Variants in MACROD2 observed in about 807,000 individuals in gnomAD.
MACROD2 encodes ADP-ribose glycohydrolase MACROD2.
A neutral mutation model predicts 70.4 loss-of-function variants in MACROD2; 36 were observed. The observed-to-expected ratio is 0.51, with a 90% CI of 0.39 to 0.68. MACROD2 has a LOEUF of 0.68. Ranked by LOEUF, MACROD2 falls within the 30% of genes least tolerant of loss-of-function variation. The pLI, the probability that MACROD2 is intolerant of heterozygous loss-of-function variation, is 0.00. For missense variants in MACROD2, 496 were observed against 538.4 expected (o/e 0.92, Z 0.78); for synonymous variants, 172 against 178.8 (o/e 0.96, Z 0.30).
At chr20:15,506,888 A>G (rs1267279338) in intron 8 of MACROD2, among the ~76,000 whole-genome samples, 2 of 152,214 alleles carry the variant, frequency 1.3e-5, no homozygotes, top group Non-Finnish European at 2.9e-5. Context: ...TATGTCCACA[A>G]ACATCATCTG....
chr20:15,978,892 G>A (rs1008156160), intron 13 of MACROD2, among the ~76,000 whole-genome samples: 3 of 152,144 alleles, frequency 2.0e-5, no homozygotes, highest in African/African-American at 7.2e-5. Context: ...AACGTCAGGA[G>A]TGATGGAAGA....
At chr20:14,731,954 A>G (rs373395869) in intron 5 of MACROD2, among the ~76,000 whole-genome samples, 1 of 152,258 alleles carries the variant, frequency 6.6e-6, no homozygotes, top group South Asian at 2.1e-4. Flanking sequence ...ATTTATATTC[A>G]TCTGTATTGT....
chr20:13,997,398 A>C (rs2052678000), intron 1 of MACROD2, among the ~76,000 whole-genome samples: 1 of 152,170 alleles, frequency 6.6e-6, no homozygotes, highest in African/African-American at 2.4e-5. Flanking sequence ...TGATGCTGAA[A>C]TGTTCGCTTT....
chr20:15,237,922 A>G (rs886606654), intron 6 of MACROD2, among the ~76,000 whole-genome samples: 10 of 152,184 alleles, frequency 6.6e-5, no homozygotes, highest in Admixed American at 6.5e-5. Flanking sequence ...AGTGACAGCA[A>G]GGGTATTTGC....
chr20:16,021,925 A>T (rs1156675288), intron 15 of MACROD2, among the ~76,000 whole-genome samples: 3 of 150,936 alleles, frequency 2.0e-5, no homozygotes, highest in Non-Finnish European at 4.5e-5. Context: ...GAATTAATAA[A>T]TGAATGAATG....
intron 6 of MACROD2, among the ~76,000 whole-genome samples, chr20:15,263,827 T>C (rs1217406798): frequency 6.6e-6 from 1 of 152,164 alleles, no homozygotes; most frequent in Non-Finnish European, 1.5e-5. Context: ...GATTTCTTTT[T>C]TGGATTGTTC....
chr20:14,302,240 T>C (rs2082481033), intron 3 of MACROD2, among the ~76,000 whole-genome samples: 1 of 152,190 alleles, frequency 6.6e-6, no homozygotes, highest in Admixed American at 6.5e-5. Flanking sequence ...AGAATTGAGT[T>C]CCTTGTGGTT....
intron 17 of MACROD2, among the ~76,000 whole-genome samples, chr20:16,045,908 G>A (rs1323814592): frequency 1.3e-5 from 2 of 152,064 alleles, no homozygotes; most frequent in African/African-American, 4.8e-5. Flanking sequence ...TCCATACCCT[G>A]AGGGCTGATG....
intron 6 of MACROD2, among the ~76,000 whole-genome samples, chr20:15,257,477 A>G (rs1054904420): frequency 1.3e-5 from 2 of 152,102 alleles, no homozygotes; most frequent in African/African-American, 4.8e-5. Context: ...ATGTCACAGT[A>G]TAATTGACAA....
intron 1 of MACROD2, among the ~76,000 whole-genome samples, chr20:14,000,069 T>C (rs540398525): frequency 1.3e-5 from 2 of 152,338 alleles, no homozygotes; most frequent in East Asian, 3.9e-4. Context: ...CTTGCACCCA[T>C]GGTGACAACT....
chr20:15,571,914 C>T (rs2048381417), intron 8 of MACROD2, among the ~76,000 whole-genome samples: 1 of 152,108 alleles, frequency 6.6e-6, no homozygotes, highest in Non-Finnish European at 1.5e-5. Flanking sequence ...ACACTAACAT[C>T]ACATTTACGA....
chr20:14,675,125 A>G (rs2070843898), intron 4 of MACROD2, among the ~76,000 whole-genome samples: 2 of 152,126 alleles, frequency 1.3e-5, no homozygotes, highest in South Asian at 4.1e-4. Flanking sequence ...GTTGGAAAGC[A>G]CTCTTCAGGA....
chr20:14,021,190 C>G (rs889917871), intron 2 of MACROD2, among the ~76,000 whole-genome samples: 1 of 152,070 alleles, frequency 6.6e-6, no homozygotes, highest in Admixed American at 6.6e-5. Context: ...GCGGTTTCAC[C>G]GTGTTAGCCA....
chr20:14,576,290 G>A (rs1398874509), intron 4 of MACROD2, among the ~76,000 whole-genome samples: 2 of 152,160 alleles, frequency 1.3e-5, no homozygotes, highest in Middle Eastern at 6.3e-3. Context: ...TAGCAACAGA[G>A]CTGCCACTCT....
At chr20:14,839,303 C>A (rs1018689965) in intron 5 of MACROD2, among the ~76,000 whole-genome samples, 1 of 152,068 alleles carries the variant, frequency 6.6e-6, no homozygotes. Context: ...CTTCTTAATA[C>A]TTTAAAACAC....
chr20:14,407,773 T>C (rs2083707467), intron 3 of MACROD2, among the ~76,000 whole-genome samples: 1 of 152,180 alleles, frequency 6.6e-6, no homozygotes, highest in Admixed American at 6.5e-5. Flanking sequence ...TCACAATAAT[T>C]AAGCTTTATG....
chr20:15,238,818 C>A lies in MACROD2; in HGVS notation c.540+8757C>A, dbSNP rs187877327. 2.0e-5 allele frequency among the ~76,000 whole-genome samples: 3 copies of A among 152,222 alleles called. No homozygotes were observed. The East Asian group carries it at 5.8e-4, about 29-fold the overall frequency. On this transcript the variant is annotated intron_variant, in intron 6 of 17. Coordinates refer to ENST00000684519, the MANE Select transcript of MACROD2 (RefSeq NM_001351661.2). ...TTTGTCAACATAATTATTTTCTGTT[C>A]TTTTATCAGGCTAGGGAACATTCTC...
intron 8 of MACROD2, among the ~76,000 whole-genome samples, chr20:15,604,752 T>C (rs1342274947): frequency 6.6e-6 from 1 of 152,214 alleles, no homozygotes; most frequent in Non-Finnish European, 1.5e-5. Context: ...CTGAAGTCTT[T>C]ATGACACAGC....
rs778081229 is a variant in MACROD2 at position 14,629,490 on chromosome 20, G to A, written c.302-55353G>A. Among the ~76,000 whole-genome samples, 13 of 152,202 alleles carry A rather than the reference G, an allele frequency of 8.5e-5. No individual in the cohort carries two copies. The South Asian group carries it at 1.0e-3, about 12-fold the overall frequency. On this transcript the variant is annotated intron_variant, in intron 4 of 17. Transcript: ENST00000684519. ...GTAATCTGAGACAATTTCATGAATT[G>A]CAATATTTACTTATTTGGGAGGATG... is the stretch of plus-strand genomic sequence containing the variant.
Sources: gnomAD v4.1 joint callset for allele counts (sites outside exome capture counted in the v4.1 genomes callset) on GRCh38, gnomAD v4.1.1 for gene constraint, MANE v1.5 for transcripts, NCBI Gene and HGNC (gene_info 2026-07-23, HGNC 2026-07-21) for gene names.